USF2: variants seen among roughly 807,000 people sequenced by gnomAD.
USF2 encodes upstream stimulatory factor 2.
USF2 carries 16 observed loss-of-function variants against 46.9 expected under a neutral mutation model. The ratio of observed to expected loss-of-function variants is 0.34; its 90% CI spans 0.23 to 0.52. USF2 has a LOEUF of 0.52. Among genes scored for constraint, USF2 ranks in the 20% least tolerant of loss-of-function variants. USF2 has a pLI of 0.96. For missense variants in USF2, 411 were observed against 474.0 expected, an observed-to-expected ratio of 0.87 and a Z score of 1.23; for synonymous variants, 239 against 194.1, an observed-to-expected ratio of 1.23 and a Z score of -1.92.
intron 7 of USF2, among the ~76,000 whole-genome samples, chr19:35,272,487 C>G (rs955498272): frequency 1.3e-5 from 2 of 152,024 alleles, no homozygotes; most frequent in Non-Finnish European, 2.9e-5. Context: ...GAGCCAGGGC[C>G]GCCATGGTGT....
chr19:35,271,247 A>G, intron 7 of USF2, 106 bp downstream of exon 7: 6 of 1,373,244 alleles, frequency 4.4e-6, no homozygotes, highest in East Asian at 2.3e-5. Context: ...TGGGCAGGCC[A>G]CAAGTGCTCC....
rs935411498 is a variant in USF2 at position 35,272,011 on chromosome 19, G to A, written c.727+870G>A. 1.3e-4 allele frequency among the ~76,000 whole-genome samples: 20 copies of A among 152,256 alleles called. No individual in the cohort carries two copies. The East Asian group carries it at 3.9e-3, about 29-fold the overall frequency. On this transcript the variant is annotated intron_variant, in intron 7 of 9. Coordinates refer to ENST00000222305, the MANE Select transcript of USF2 (RefSeq NM_003367.4). ...AGTTCCATTTAGAATGCCTCAGGAGGGAAGATCGGGAAGGCCTCGAATGCC... is the reference window on the plus strand; with the variant it reads ...AGTTCCATTTAGAATGCCTCAGGAGAGAAGATCGGGAAGGCCTCGAATGCC...
Position 35,269,845 on chromosome 19 carries a change from G to C in USF2, c.271G>C (p.Gly91Arg). Residue 91 changes from glycine to arginine, a missense_variant, in exon 4 of 10, where the codon GGC becomes CGC. Around this residue, in one of 2 missense-constraint regions of USF2, gnomAD observed 318 missense variants for 322.4 expected, o/e 0.99. Transcript: ENST00000222305. ...VVQVTDGQLDGQGDTAGAVSV... is the reference protein window; with the variant it reads ...VVQVTDGQLDRQGDTAGAVSV... Reference sequence around the variant, plus strand: ...CCAGGTGACTGATGGTCAGCTGGACGGCCAGGGCGACACAGCTGGCGCCGT... The same window carrying C: ...CCAGGTGACTGATGGTCAGCTGGACCGCCAGGGCGACACAGCTGGCGCCGT... The C allele has an allele frequency of 6.9e-7, 1 of 1,441,086 alleles. No individual in the cohort carries two copies. The highest frequency in any genetic ancestry group is 9.0e-7 in the Non-Finnish European group (1 of 1,106,246). The allele number at this position is 1,441,086 out of a possible 1,614,324, so 89.3% of individuals were successfully genotyped here.
Position 35,269,585 on chromosome 19 carries a change from G to A in USF2, c.114G>A (p.Gly38=), listed in dbSNP as rs984118258. The change falls in exon 3 of 10, where the codon GGG becomes GGA. Residue 38 remains glycine (G), a synonymous_variant. Transcript: ENST00000222305. ...AEEGVELQEG[G]DGPGAEEQTA... ...CCCGACCCTCCTCGGCCCCAGGCGG[G>A]GACGGCCCAGGAGCGGAGGAGCAGA... The A allele has an allele frequency of 7.6e-6, 12 of 1,587,150 alleles. No homozygotes were observed. Among genetic ancestry groups the A allele is most frequent in the Non-Finnish European group, 1.0e-5 (12 of 1,168,694 alleles).
chr19:35,270,633 G>A lies in USF2; in HGVS notation c.580+36G>A, dbSNP rs772041522. The A allele has an allele frequency of 4.3e-6, 7 of 1,611,284 alleles. No homozygotes were observed. In the South Asian group the frequency reaches 4.4e-5, roughly 10 times the overall value. On this transcript the variant is annotated intron_variant, in intron 5 of 9. Coordinates refer to ENST00000222305, the MANE Select transcript of USF2 (RefSeq NM_003367.4). ...GAAGTCAGATTGGCAGGTGGGGGAG[G>A]CAACGGGCCCAGCAGGGAGGGAAGC...
At chr19:35,274,884 T>TC (rs1474014315) in intron 7 of USF2, among the ~76,000 whole-genome samples, 1 of 152,186 alleles carries the variant, frequency 6.6e-6, no homozygotes, top group Admixed American at 6.5e-5. Flanking sequence ...CCCAGTGCCT[T>TC]CCCCTTGCTG....
At chr19:35,275,016 T>C (rs2066212814) in intron 7 of USF2, 2 of 152,250 alleles carry the variant, frequency 1.3e-5, no homozygotes, top group African/African-American at 4.8e-5. Flanking sequence ...TGATTTCTAC[T>C]CTTAATGTTA....
intron 3 of USF2, 30 bp downstream of exon 3, chr19:35,269,729 C>T: frequency 3.6e-6 from 2 of 557,754 alleles, no homozygotes; most frequent in Non-Finnish European, 4.5e-6. Flanking sequence ...GGCGAACGGG[C>T]GGGCGGGCGG....
chr19:35,275,729 T>G (rs1209298046), intron 7 of USF2: 1 of 152,242 alleles, frequency 6.6e-6, no homozygotes, highest in Admixed American at 6.5e-5. Flanking sequence ...TTTTTGTTAT[T>G]GATTTTTAAT....
chr19:35,271,617 G>A (rs900679243), intron 7 of USF2, among the ~76,000 whole-genome samples: 1 of 152,212 alleles, frequency 6.6e-6, no homozygotes, highest in African/African-American at 2.4e-5. Context: ...CCTAAGGCCG[G>A]AGCATCCTGC....
chr19:35,275,570 C>T (rs1442777137), intron 7 of USF2: 4 of 151,918 alleles, frequency 2.6e-5, no homozygotes, highest in Non-Finnish European at 2.9e-5. Context: ...TCCAGCATCA[C>T]TTTAGCTACA....
rs1011549600 is a variant in USF2, at chr19:35,278,425, C to T, written c.728-273C>T. The T allele has an allele frequency of 6.9e-6, 3 of 434,820 alleles. No individual in the cohort carries two copies. In the Admixed American group the frequency reaches 1.2e-4, roughly 17 times the overall value. The allele number at this position is 434,820 out of a possible 1,614,324, so 26.9% of individuals were successfully genotyped here. A position where few individuals can be genotyped will look rare whatever the true frequency, so the allele number is the denominator to read the frequency against. On this transcript the variant is annotated intron_variant, in intron 7 of 9. Transcript: ENST00000222305. The stretch of plus-strand genomic sequence containing the variant: ...TAAAATTTGTACAAGTATGGTGGGG[C>T]AGGCCTGCAAAATGATCTCCAAGTG...
Position 35,269,822 on chromosome 19 carries a change from A to C in USF2, c.248A>C (p.Gln83Pro). 6.8e-7 allele frequency: 1 copy of C among 1,479,814 alleles called. No homozygotes were observed. Among genetic ancestry groups the C allele is most frequent in the Non-Finnish European group, 8.9e-7 (1 of 1,120,002 alleles). 91.7% of individuals were successfully genotyped at this position (1,479,814 alleles called of 1,614,324 possible). Residue 83 changes from glutamine to proline, a missense_variant, in exon 4 of 10, where the codon CAG becomes CCG. By Grantham distance (76) the Gln-to-Pro change is moderately conservative. Coordinates refer to ENST00000222305, the MANE Select transcript of USF2 (RefSeq NM_003367.4). Reference protein sequence around the residue: ...NGGQVTYRVVQVTDGQLDGQG... With the variant: ...NGGQVTYRVVPVTDGQLDGQG... Reference sequence around the variant, plus strand: ...CTGCAGGTGACATACCGCGTAGTCCAGGTGACTGATGGTCAGCTGGACGGC... The same window carrying C: ...CTGCAGGTGACATACCGCGTAGTCCCGGTGACTGATGGTCAGCTGGACGGC...
Position 35,279,175 on chromosome 19 carries a change from G to A in USF2, c.960G>A (p.Glu320=). 1.2e-6 allele frequency: 2 copies of A among 1,608,436 alleles called. No individual in the cohort carries two copies. The highest frequency in any genetic ancestry group is 1.7e-6 in the Non-Finnish European group (2 of 1,177,706). ...TCCGTCGTGTCCGCCAGATCGAGGA[G>A]CTGAAGAATGAGAACGCCCTGCTTC... ...DNELLRQQIE[E]LKNENALLRA... Residue 320 remains glutamate, a synonymous_variant, in exon 10 of 10, where the codon GAG becomes GAA. Coordinates refer to ENST00000222305, the MANE Select transcript of USF2 (RefSeq NM_003367.4).
chr19:35,270,464 C>T lies in USF2; in HGVS notation c.447C>T (p.Pro149=), dbSNP rs755758623. The change falls in exon 5 of 10, where the codon CCC becomes CCT. Residue 149 remains proline, a synonymous_variant. Coordinates refer to ENST00000222305, the MANE Select transcript of USF2 (RefSeq NM_003367.4). ...CTCCCCAGGCTGTGATCCAAAATCC[C>T]TTCAGCAATGGTGGCAGTCCGGCGG... ...APFPLAVIQN[P]FSNGGSPAAE... is the part of the protein sequence containing the mutation. 8.7e-6 allele frequency: 14 copies of T among 1,613,364 alleles called. No homozygotes were observed. The South Asian group carries it at 8.8e-5, about 10-fold the overall frequency.
At chr19:35,271,176 CA>C (rs2066151064) in intron 7 of USF2, 35 bp downstream of exon 7, 1 of 1,612,936 alleles carries the variant, frequency 6.2e-7, no homozygotes, top group Non-Finnish European at 8.5e-7. Flanking sequence ...TCCCCCTGAC[CA>C]CCACCCTCAC....
rs756359373 is a variant in USF2, at chr19:35,279,126, C to T, written c.952-41C>T. 8.7e-6 allele frequency: 14 copies of T among 1,612,438 alleles called. No homozygotes were observed. The highest frequency in any genetic ancestry group is 1.6e-4 in the Middle Eastern group (1 of 6,072). The stretch of plus-strand genomic sequence containing the variant: ...GGGCCCAGGAGCCCCAGATGCAAGG[C>T]GCTGGCCCTCAGCTCCCTTGACCTC... On this transcript the variant is annotated intron_variant, in intron 9 of 9. Coordinates refer to ENST00000222305, the MANE Select transcript of USF2 (RefSeq NM_003367.4).
At chr19:35,277,673 C>T (rs1360843791) in intron 7 of USF2, 1 of 152,326 alleles carries the variant, frequency 6.6e-6, no homozygotes, top group South Asian at 2.1e-4. Flanking sequence ...GGCTTCGTTC[C>T]CCTCCACAAA....
At chr19:35,274,226 A>G (rs2066200511) in intron 7 of USF2, among the ~76,000 whole-genome samples, 1 of 152,160 alleles carries the variant, frequency 6.6e-6, no homozygotes, top group Admixed American at 6.5e-5. Flanking sequence ...AAAGGCTTTC[A>G]TGCAACCTTC....
Sources: gnomAD v4.1 joint callset for allele counts (sites outside exome capture counted in the v4.1 genomes callset) on GRCh38, gnomAD v4.1.1 for gene constraint, gnomAD v4.1.1 regional missense constraint, MANE v1.5 for transcripts, NCBI Gene and HGNC (gene_info 2026-07-23, HGNC 2026-07-21) for gene names.